Variants in MGAT4C observed in about 807,000 individuals in gnomAD.
The protein encoded by MGAT4C is MGAT4 family member C, also known as alpha-1,3-mannosyl-glycoprotein 4-beta-N-acetylglucosaminyltransferase C.
Under a neutral mutation model 40.1 loss-of-function variants are expected in MGAT4C, and 19 were observed. The ratio of observed to expected loss-of-function variants is 0.47; its 90% CI spans 0.33 to 0.70. MGAT4C has a LOEUF of 0.70. Among genes scored for constraint, MGAT4C ranks in the 30% least tolerant of loss-of-function variants. The pLI is 0.02. For missense variants in MGAT4C, 491 were observed against 563.2 expected, an observed-to-expected ratio of 0.87 and a Z score of 1.30; for synonymous variants, 181 against 187.1, an observed-to-expected ratio of 0.97 and a Z score of 0.27.
intron 2 of MGAT4C, among the ~76,000 whole-genome samples, chr12:86,705,256 ATCTATCT>A (rs1950434914): frequency 6.8e-6 from 1 of 148,034 alleles, no homozygotes; most frequent in South Asian, 2.1e-4. Context: ...CTATCTATCT[ATCTATCT>A]ATCTAATTTG....
At chr12:86,132,179 T>A (rs1037809035) in intron 1 of MGAT4C, among the ~76,000 whole-genome samples, 1 of 152,186 alleles carries the variant, frequency 6.6e-6, no homozygotes, top group Non-Finnish European at 1.5e-5. Context: ...ATGTATTCAA[T>A]GAGTACTCAA....
At chr12:86,722,362 C>T (rs1409649659) in intron 2 of MGAT4C, among the ~76,000 whole-genome samples, 1 of 152,116 alleles carries the variant, frequency 6.6e-6, no homozygotes, top group Non-Finnish European at 1.5e-5. Context: ...GAAGTTGAGG[C>T]CCATCCTGTA....
intron 1 of MGAT4C, among the ~76,000 whole-genome samples, chr12:86,135,414 A>G (rs1180820751): frequency 2.6e-5 from 4 of 152,150 alleles, no homozygotes; most frequent in African/African-American, 9.7e-5. Flanking sequence ...TCAAATTCCA[A>G]AGACAGACAG....
At chr12:86,275,537 C>A (rs563394999) in intron 4 of MGAT4C, among the ~76,000 whole-genome samples, 2 of 152,036 alleles carry the variant, frequency 1.3e-5, no homozygotes, top group Non-Finnish European at 2.9e-5. Flanking sequence ...AGGAAAGTTG[C>A]AAATATGATT....
At chr12:86,734,649 C>A (rs2136123514) in intron 1 of MGAT4C, among the ~76,000 whole-genome samples, 1 of 152,038 alleles carries the variant, frequency 6.6e-6, no homozygotes, top group South Asian at 2.1e-4. Flanking sequence ...CATGAGGATA[C>A]AAAAGAAGAC....
intron 1 of MGAT4C, among the ~76,000 whole-genome samples, chr12:86,765,656 A>T (rs1951492202): frequency 6.6e-6 from 1 of 152,356 alleles, no homozygotes; most frequent in South Asian, 2.1e-4. Flanking sequence ...CATCAGACTA[A>T]CAGCGGATCT....
intron 1 of MGAT4C, among the ~76,000 whole-genome samples, chr12:86,774,868 A>G (rs1951725680): frequency 6.6e-6 from 1 of 152,196 alleles, no homozygotes; most frequent in African/African-American, 2.4e-5. Context: ...ACTTCATTAC[A>G]TGATAAAGTA....
intron 1 of MGAT4C, among the ~76,000 whole-genome samples, chr12:86,814,005 G>A (rs1952532221): frequency 6.6e-6 from 1 of 151,760 alleles, no homozygotes; most frequent in African/African-American, 2.4e-5. Flanking sequence ...CCGCCACCCA[G>A]GTTCAAGCAA....
At chr12:86,083,722 T>G (rs1468665872) in intron 1 of MGAT4C, among the ~76,000 whole-genome samples, 1 of 152,158 alleles carries the variant, frequency 6.6e-6, no homozygotes, top group Non-Finnish European at 1.5e-5. Context: ...CCTTGCCAAG[T>G]CTTTCTGCTC....
At chr12:86,637,825 C>G (rs570905931) in intron 2 of MGAT4C, among the ~76,000 whole-genome samples, 2 of 152,072 alleles carry the variant, frequency 1.3e-5, no homozygotes, top group East Asian at 3.9e-4. Context: ...CTACATACAT[C>G]TTAGTCTGAT....
chr12:86,204,924 T>A (rs1221736723), intron 1 of MGAT4C, among the ~76,000 whole-genome samples: 1 of 152,066 alleles, frequency 6.6e-6, no homozygotes, highest in Non-Finnish European at 1.5e-5. Context: ...ACAGACTTTT[T>A]AAAAATAGTT....
At chr12:86,565,462 T>C (rs1960051286) in intron 2 of MGAT4C, among the ~76,000 whole-genome samples, 1 of 152,190 alleles carries the variant, frequency 6.6e-6, no homozygotes, top group South Asian at 2.1e-4. Flanking sequence ...TACAGCCCAT[T>C]TCTAGGACAT....
At chr12:86,651,082 T>A (rs1329673755) in intron 2 of MGAT4C, among the ~76,000 whole-genome samples, 1 of 151,870 alleles carries the variant, frequency 6.6e-6, no homozygotes, top group Non-Finnish European at 1.5e-5. Context: ...TAGCTATAAT[T>A]TATAAAGTGT....
chr12:86,103,797 CT>C lies in MGAT4C; in HGVS notation c.-56-54075del, dbSNP rs368245821. ...ATGCAGCCATAGTCGATTAGGCGAC[CT>C]GCTTAAATTTGAGATCCTCTAATAT... On this transcript the variant is annotated intron_variant, in intron 1 of 4. Coordinates refer to ENST00000611864, the MANE Select transcript of MGAT4C (RefSeq NM_001351288.2). Among the ~76,000 whole-genome samples, 809 of 152,150 alleles carry C rather than the reference CT, an allele frequency of 5.3e-3. 7 individuals carry two copies. The highest frequency in any genetic ancestry group is 0.019 in the African/African-American group (771 of 41,510).
At chr12:86,780,358 G>A (rs186059325) in intron 1 of MGAT4C, among the ~76,000 whole-genome samples, 47 of 151,748 alleles carry the variant, frequency 3.1e-4, no homozygotes, top group Admixed American at 9.2e-4. Flanking sequence ...GGCTGAGATG[G>A]TTTGCCTTTG....
Position 86,278,099 on chromosome 12 carries a change from T to C in MGAT4C, c.-57+55966A>G, listed in dbSNP as rs773578856. On this transcript the variant is annotated intron_variant, in intron 4 of 7. Transcript: ENST00000548651. ...TATAATACAGTTTTTATTGCAGAGA[T>C]TTTTTTCACTTCTTTGGTTAATTCC... 4.8e-4 allele frequency among the ~76,000 whole-genome samples: 73 copies of C among 152,004 alleles called. 1 individual carries two copies. Among genetic ancestry groups the C allele is most frequent in the Non-Finnish European group, 7.8e-4 (53 of 67,990 alleles).
At chr12:86,631,020 A>C (rs1205801346) in intron 2 of MGAT4C, among the ~76,000 whole-genome samples, 2 of 152,194 alleles carry the variant, frequency 1.3e-5, no homozygotes, top group Non-Finnish European at 2.9e-5. Context: ...GTCTCAGCCC[A>C]AAATCTCCTT....
At chr12:86,464,074 G>C (rs574002688) in intron 2 of MGAT4C, among the ~76,000 whole-genome samples, 74 of 152,192 alleles carry the variant, frequency 4.9e-4, no homozygotes, top group African/African-American at 1.7e-3. Flanking sequence ...AAGTTTGGTT[G>C]ATAAACCAAT....
chr12:86,514,140 A>T (rs1958644048), intron 2 of MGAT4C, among the ~76,000 whole-genome samples: 1 of 151,728 alleles, frequency 6.6e-6, no homozygotes, highest in Admixed American at 6.6e-5. Context: ...TTGGAGAATT[A>T]CTGTATAAAA....
Sources: allele counts gnomAD v4.1 joint callset (sites outside exome capture counted in the v4.1 genomes callset), GRCh38; gene constraint gnomAD v4.1.1; transcripts MANE v1.5; gene names NCBI Gene and HGNC (gene_info 2026-07-23, HGNC 2026-07-21).